ELOVL7: variants seen among roughly 807,000 people sequenced by gnomAD.
ELOVL7 encodes the protein ELOVL fatty acid elongase 7.
ELOVL7 carries 27 observed loss-of-function variants against 35.7 expected under a neutral mutation model. The ratio of observed to expected loss-of-function variants is 0.76; its 90% CI spans 0.56 to 1.04. The LOEUF is 1.04. Among genes scored for constraint, ELOVL7 ranks in the 50% least tolerant of loss-of-function variants. The pLI, the probability that ELOVL7 is intolerant of heterozygous loss-of-function variation, is 0.00. For missense variants in ELOVL7, 327 were observed against 340.8 expected (o/e 0.96, Z 0.32); for synonymous variants, 113 against 114.6 (o/e 0.99, Z 0.09).
intron 2 of ELOVL7, among the ~76,000 whole-genome samples, chr5:60,798,435 TA>T (rs1437829539): frequency 6.6e-6 from 1 of 152,188 alleles, no homozygotes; most frequent in Non-Finnish European, 1.5e-5. Flanking sequence ...ACCTTGATAC[TA>T]CAGAAGCTTT....
At chr5:60,762,352 T>C (rs1173036085) in intron 7 of ELOVL7, among the ~76,000 whole-genome samples, 1 of 151,354 alleles carries the variant, frequency 6.6e-6, no homozygotes, top group Non-Finnish European at 1.5e-5. Context: ...AAATTCTCAT[T>C]ATTGAAAGCA....
intron 2 of ELOVL7, among the ~76,000 whole-genome samples, chr5:60,789,966 T>C (rs1743828226): frequency 1.3e-5 from 2 of 152,044 alleles, no homozygotes; most frequent in Non-Finnish European, 2.9e-5. Flanking sequence ...GGTGAAACCC[T>C]GTTTCTATAA....
At chr5:60,795,383 A>C (rs1413979352) in intron 2 of ELOVL7, among the ~76,000 whole-genome samples, 2 of 151,802 alleles carry the variant, frequency 1.3e-5, no homozygotes, top group African/African-American at 4.9e-5. Context: ...ACTAAAATAC[A>C]AATTAACACT....
intron 1 of ELOVL7, chr5:60,843,459 TC>T (rs1747306360): frequency 6.6e-6 from 1 of 152,030 alleles, no homozygotes; most frequent in Non-Finnish European, 1.5e-5. Flanking sequence ...TGTTTCCATC[TC>T]CGGCACGACC....
In ELOVL7 at chr5:60,784,714, A is replaced by G. The variant is rs1301376499; in HGVS notation, c.64+2620T>C. Among the ~76,000 whole-genome samples, 5 of 152,192 alleles carry G rather than the reference A, an allele frequency of 3.3e-5. No homozygotes were observed. In the East Asian group the frequency reaches 7.7e-4, roughly 23 times the overall value. The stretch of plus-strand genomic sequence containing the variant: ...TAAAACTGGACTAAGATGGCCAAAA[A>G]TGATTCCTAATGGATCTCAGAGATC... On this transcript the variant is annotated intron_variant, in intron 3 of 8. Coordinates refer to ENST00000508821, the MANE Select transcript of ELOVL7 (RefSeq NM_024930.3).
chr5:60,827,883 G>A (rs919646609), intron 1 of ELOVL7, among the ~76,000 whole-genome samples: 1 of 152,008 alleles, frequency 6.6e-6, no homozygotes, highest in Admixed American at 6.6e-5. Context: ...CATCCTTCCT[G>A]CACACCCAGA....
At chr5:60,834,338 G>A (rs1328719880) in intron 1 of ELOVL7, among the ~76,000 whole-genome samples, 1 of 152,048 alleles carries the variant, frequency 6.6e-6, no homozygotes, top group Non-Finnish European at 1.5e-5. Flanking sequence ...GTAGAGACGG[G>A]GTTTCACCGT....
At chr5:60,772,446 G>T (rs748207725) in intron 3 of ELOVL7, among the ~76,000 whole-genome samples, 1 of 152,104 alleles carries the variant, frequency 6.6e-6, no homozygotes, top group Non-Finnish European at 1.5e-5. Flanking sequence ...GTACCCGACC[G>T]TGCTGGCACC....
chr5:60,822,662 G>C (rs1232130239), intron 1 of ELOVL7, among the ~76,000 whole-genome samples: 1 of 152,160 alleles, frequency 6.6e-6, no homozygotes, highest in Non-Finnish European at 1.5e-5. Context: ...GAAAACCACA[G>C]TAATAGATGC....
chr5:60,843,238 G>A (rs531164733), intron 1 of ELOVL7, among the ~76,000 whole-genome samples: 1 of 152,272 alleles, frequency 6.6e-6, no homozygotes, highest in Admixed American at 6.5e-5. Flanking sequence ...AGCAGGACAG[G>A]TGTAAAGACC....
chr5:60,801,875 C>T lies in ELOVL7; in HGVS notation c.-85-2645G>A, dbSNP rs1381306767. On this transcript the variant is annotated intron_variant, in intron 1 of 8. Coordinates refer to ENST00000508821, the MANE Select transcript of ELOVL7 (RefSeq NM_024930.3). ...GGCCTTTGGACTCTGGGAACTTGCA[C>T]CAGTGGCCTCTCAGGGGCTCTCAGG... is the stretch of plus-strand genomic sequence containing the variant. 2.0e-5 allele frequency among the ~76,000 whole-genome samples: 3 copies of T among 151,756 alleles called. 1 individual carries two copies. The highest frequency in any genetic ancestry group is 7.3e-5 in the African/African-American group (3 of 41,324).
intron 7 of ELOVL7, among the ~76,000 whole-genome samples, chr5:60,763,910 T>C (rs907165217): frequency 1.3e-5 from 2 of 152,124 alleles, no homozygotes; most frequent in African/African-American, 4.8e-5. Context: ...GTTTTTACCA[T>C]TTGATTTATT....
At chr5:60,786,831 A>T (rs927167541) in intron 3 of ELOVL7, among the ~76,000 whole-genome samples, 1 of 151,846 alleles carries the variant, frequency 6.6e-6, no homozygotes, top group African/African-American at 2.4e-5. Flanking sequence ...AGTCCCAGCT[A>T]CTTGGGAGGC....
At chr5:60,810,608 T>A (rs1361479956) in intron 1 of ELOVL7, among the ~76,000 whole-genome samples, 3 of 152,234 alleles carry the variant, frequency 2.0e-5, no homozygotes, top group Admixed American at 2.0e-4. Flanking sequence ...ATTCCACTCT[T>A]GTGCTTTAGG....
chr5:60,763,185 T>C (rs1403610859), intron 7 of ELOVL7, among the ~76,000 whole-genome samples: 1 of 152,196 alleles, frequency 6.6e-6, no homozygotes, highest in Non-Finnish European at 1.5e-5. Context: ...AAGGAGGTAC[T>C]TTACATCCTG....
chr5:60,832,346 A>C (rs1190104000), intron 1 of ELOVL7, among the ~76,000 whole-genome samples: 2 of 152,086 alleles, frequency 1.3e-5, no homozygotes, highest in Non-Finnish European at 2.9e-5. Context: ...AAATAGTAAA[A>C]CCTAAGGATT....
intron 1 of ELOVL7, among the ~76,000 whole-genome samples, chr5:60,823,912 T>A (rs770161228): frequency 6.6e-6 from 1 of 152,202 alleles, no homozygotes; most frequent in Non-Finnish European, 1.5e-5. Flanking sequence ...ACTTAAGTAA[T>A]GCTGGTCAGG....
At chr5:60,788,433 T>C (rs1422908529) in intron 2 of ELOVL7, among the ~76,000 whole-genome samples, 1 of 152,074 alleles carries the variant, frequency 6.6e-6, no homozygotes, top group Non-Finnish European at 1.5e-5. Flanking sequence ...ACCATTTAAA[T>C]GAAAATATAT....
chr5:60,785,544 T>C (rs1227703215), intron 3 of ELOVL7, among the ~76,000 whole-genome samples: 3 of 152,170 alleles, frequency 2.0e-5, no homozygotes, highest in Non-Finnish European at 4.4e-5. Context: ...AATAACTCTA[T>C]TTCAAAAACC....
Sources: gnomAD v4.1 joint callset for allele counts (sites outside exome capture counted in the v4.1 genomes callset) on GRCh38, gnomAD v4.1.1 for gene constraint, MANE v1.5 for transcripts, NCBI Gene and HGNC (gene_info 2026-07-23, HGNC 2026-07-21) for gene names.